CSMD1: variants seen among roughly 807,000 people sequenced by gnomAD.
The protein encoded by CSMD1 is CUB and Sushi multiple domains 1, also known as CUB and sushi domain-containing protein 1.
In CSMD1, 213 loss-of-function variants were observed where a neutral mutation model predicts 417.5. The observed-to-expected ratio is 0.51, with a 90% CI of 0.46 to 0.57. The LOEUF is 0.57. CSMD1 is among the 20% of genes least tolerant of loss of function. The pLI is 0.00. For synonymous variants in CSMD1, 2,862 were observed against 1,736.8 expected (o/e 1.65, Z -16.11); for missense variants, 6,923 against 4,529.7 (o/e 1.53, Z -15.17).
chr8:3,523,650 G>A (rs10100256), intron 10 of CSMD1, among the ~76,000 whole-genome samples: 1 of 144,228 alleles, frequency 6.9e-6, no homozygotes, highest in East Asian at 2.1e-4. Context: ...TGCACACACA[G>A]GCACAGTTAC....
At chr8:3,258,084 A>G (rs1388131681) in intron 26 of CSMD1, among the ~76,000 whole-genome samples, 3 of 152,286 alleles carry the variant, frequency 2.0e-5, no homozygotes, top group East Asian at 1.9e-4. Flanking sequence ...TTTTATAGGT[A>G]TGTCCAATAA....
chr8:4,455,223 T>G (rs2129877067), intron 2 of CSMD1, among the ~76,000 whole-genome samples: 1 of 152,296 alleles, frequency 6.6e-6, no homozygotes, highest in Admixed American at 6.5e-5. Flanking sequence ...TCTGAAATAC[T>G]TCTCTAAAAT....
intron 2 of CSMD1, among the ~76,000 whole-genome samples, chr8:4,454,397 G>T (rs542809299): frequency 2.6e-5 from 4 of 152,148 alleles, no homozygotes; most frequent in Admixed American, 2.6e-4. Flanking sequence ...TTTGGCTCTG[G>T]TATACCTCTA....
intron 10 of CSMD1, among the ~76,000 whole-genome samples, chr8:3,558,659 AATG>A (rs1472026381): frequency 1.3e-5 from 2 of 150,278 alleles, no homozygotes; most frequent in African/African-American, 2.5e-5. Flanking sequence ...CCACTCCTCC[AATG>A]ATGAACGGTG....
At chr8:4,975,292 A>G (rs1353955700) in intron 1 of CSMD1, among the ~76,000 whole-genome samples, 1 of 152,254 alleles carries the variant, frequency 6.6e-6, no homozygotes, top group African/African-American at 2.4e-5. Flanking sequence ...TCTGCTGTAT[A>G]TCATTTGAAG....
At chr8:3,273,442 C>T (rs914650099) in intron 26 of CSMD1, among the ~76,000 whole-genome samples, 29 of 151,918 alleles carry the variant, frequency 1.9e-4, no homozygotes, top group Admixed American at 1.7e-3. Context: ...TGATGCTGGC[C>T]TCATAAAATG....
intron 12 of CSMD1, among the ~76,000 whole-genome samples, chr8:3,450,675 T>C (rs1232382029): frequency 6.6e-6 from 1 of 152,132 alleles, no homozygotes; most frequent in Non-Finnish European, 1.5e-5. Context: ...TAGTATTCCA[T>C]GGTGTATATG....
intron 5 of CSMD1, among the ~76,000 whole-genome samples, chr8:3,826,843 G>C (rs926247066): frequency 6.6e-6 from 1 of 152,072 alleles, no homozygotes; most frequent in Admixed American, 6.6e-5. Context: ...CTGCAGTGTA[G>C]TGGTGTGATC....
At chr8:3,092,860 C>G (rs1815040065) in intron 47 of CSMD1, among the ~76,000 whole-genome samples, 1 of 152,138 alleles carries the variant, frequency 6.6e-6, no homozygotes, top group African/African-American at 2.4e-5. Context: ...TTTCACAGTT[C>G]ACTCCTAGGG....
intron 8 of CSMD1, among the ~76,000 whole-genome samples, chr8:3,616,473 A>G (rs542894173): frequency 6.6e-6 from 1 of 151,868 alleles, no homozygotes; most frequent in African/African-American, 2.4e-5. Flanking sequence ...TAAATTACCC[A>G]CTCTCTGGTA....
At chr8:4,019,369 A>C (rs966088581) in intron 4 of CSMD1, among the ~76,000 whole-genome samples, 3 of 152,056 alleles carry the variant, frequency 2.0e-5, no homozygotes, top group Non-Finnish European at 4.4e-5. Flanking sequence ...GTTCCCATAC[A>C]TCTCCGTGAA....
chr8:3,363,837 G>GGAA (rs1469517484), intron 20 of CSMD1, among the ~76,000 whole-genome samples: 1 of 152,164 alleles, frequency 6.6e-6, no homozygotes, highest in Non-Finnish European at 1.5e-5. Context: ...AGTAAGTGTG[G>GGAA]AGTATCCAGT....
In CSMD1 at chr8:3,997,965, G is replaced by A. The variant is rs746459612; in HGVS notation, c.756C>T (p.Asp252=). ...AATCATATCCTTCTTCTAGCTGAAAGTCAGTGAAGACCAGCGCAATGGTGT... is the reference window on the plus strand; with the variant it reads ...AATCATATCCTTCTTCTAGCTGAAAATCAGTGAAGACCAGCGCAATGGTGT... ...PGDTIALVFT[D]FQLEEGYDFL... The change falls in exon 5 of 70, where the codon GAC becomes GAT. Residue 252 remains aspartate, a synonymous_variant. Transcript: ENST00000635120. 35 of 1,611,758 alleles carry A rather than the reference G, an allele frequency of 2.2e-5. No individual in the cohort carries two copies. Among genetic ancestry groups the A allele is most frequent in the Non-Finnish European group, 2.7e-5 (32 of 1,178,956 alleles).
At position 3,577,284 on chromosome 8, in the gene CSMD1, G is replaced by A. The variant is rs77766044; in HGVS notation, c.1223-2218C>T. 8.2e-3 allele frequency among the ~76,000 whole-genome samples: 1,253 copies of A among 152,242 alleles called. 21 individuals are homozygous for A. The highest frequency in any genetic ancestry group is 0.028 in the African/African-American group (1,180 of 41,542). ...AGTAACTTTTAATAAAATATGCATA[G>A]GAAGCCAGCCCGTCACCACATTTTC... On this transcript the variant is annotated intron_variant, in intron 9 of 69. Transcript: ENST00000635120.
intron 3 of CSMD1, among the ~76,000 whole-genome samples, chr8:4,372,990 A>G (rs942488716): frequency 1.5e-4 from 23 of 152,324 alleles, no homozygotes; most frequent in African/African-American, 5.5e-4. Flanking sequence ...GTGACTTCAC[A>G]CTGGACAGCC....
chr8:4,640,778 A>G (rs976772723), intron 1 of CSMD1, among the ~76,000 whole-genome samples: 3 of 151,896 alleles, frequency 2.0e-5, no homozygotes, highest in African/African-American at 7.2e-5. Flanking sequence ...GGGCAATAAA[A>G]TAATCGGTAG....
chr8:3,373,471 A>C (rs2116728964), intron 18 of CSMD1: 2 of 152,350 alleles, frequency 1.3e-5, no homozygotes, highest in East Asian at 3.9e-4. Context: ...AATTCTGTCC[A>C]CAAATCCTAT....
chr8:3,593,917 T>C (rs1207343826), intron 8 of CSMD1, among the ~76,000 whole-genome samples: 1 of 152,158 alleles, frequency 6.6e-6, no homozygotes, highest in Non-Finnish European at 1.5e-5. Context: ...TTTTTCCCAA[T>C]ACGTAGAATC....
chr8:3,216,324 T>C (rs1443603603), intron 29 of CSMD1, among the ~76,000 whole-genome samples: 1 of 152,178 alleles, frequency 6.6e-6, no homozygotes, highest in African/African-American at 2.4e-5. Context: ...GTTTTTCTGA[T>C]ATTTTATTTA....
Sources: allele counts gnomAD v4.1 joint callset (sites outside exome capture counted in the v4.1 genomes callset), GRCh38; gene constraint gnomAD v4.1.1; transcripts MANE v1.5; gene names NCBI Gene and HGNC (gene_info 2026-07-23, HGNC 2026-07-21).